Variants in PHLPP1 observed in about 807,000 individuals in gnomAD.
PHLPP1 encodes the protein PH domain leucine-rich repeat-containing protein phosphatase 1.
A neutral mutation model predicts 117.2 loss-of-function variants in PHLPP1; 42 were observed. The observed-to-expected ratio is 0.36, with a 90% CI of 0.28 to 0.46. The LOEUF (loss-of-function observed/expected upper bound fraction) is 0.46, where lower values mean the gene tolerates loss of function less well. Ranked by LOEUF, PHLPP1 falls within the 20% of genes least tolerant of loss-of-function variation. PHLPP1 has a pLI of 1.00. For synonymous variants in PHLPP1, 1,042 were observed against 970.7 expected (o/e 1.07, Z -1.37); for missense variants, 2,084 against 2,241.9 (o/e 0.93, Z 1.42).
chr18:62,750,523 T>C lies in PHLPP1; in HGVS notation c.1576+33264T>C, dbSNP rs374632921. Among the ~76,000 whole-genome samples, 32 of 152,338 alleles carry C rather than the reference T, an allele frequency of 2.1e-4. 1 individual carries two copies. The highest frequency in any genetic ancestry group is 5.0e-4 in the African/African-American group (21 of 41,588). On this transcript the variant is annotated intron_variant, in intron 1 of 16. Transcript: ENST00000262719. ...TACAGTCTTCAAAACCCCGCACTTA[T>C]ATTTTTATAGTTTTTTTCAAAAGCT...
intron 1 of PHLPP1, among the ~76,000 whole-genome samples, chr18:62,798,689 T>A (rs1278243693): frequency 6.6e-6 from 1 of 152,130 alleles, no homozygotes; most frequent in Non-Finnish European, 1.5e-5. Context: ...TTTTTATTGC[T>A]CATTTGCTTC....
chr18:62,865,459 A>G lies in PHLPP1; in HGVS notation c.2066+4858A>G, dbSNP rs1418244822. ...TTTCTGGAGCTACCCATCATGAACTATCATCAATCAGTGTGTTCTGAGGTT... is the reference window on the plus strand; with the variant it reads ...TTTCTGGAGCTACCCATCATGAACTGTCATCAATCAGTGTGTTCTGAGGTT... On this transcript the variant is annotated intron_variant, in intron 4 of 16. Coordinates refer to ENST00000262719, the MANE Select transcript of PHLPP1 (RefSeq NM_194449.4). Among the ~76,000 whole-genome samples the G allele has an allele frequency of 2.0e-5, 3 of 152,196 alleles. No homozygotes were observed. In the East Asian group the frequency reaches 5.8e-4, roughly 29 times the overall value.
intron 1 of PHLPP1, 48 bp downstream of exon 1, chr18:62,717,307 A>T (rs1438878225): frequency 6.6e-7 from 1 of 1,521,838 alleles, no homozygotes; most frequent in South Asian, 1.3e-5. Context: ...GCTGCCGAGG[A>T]CCGAGGAGTG....
intron 1 of PHLPP1, among the ~76,000 whole-genome samples, chr18:62,756,221 G>A (rs1189775639): frequency 1.3e-5 from 2 of 152,172 alleles, no homozygotes; most frequent in African/African-American, 4.8e-5. Context: ...AGGGAGCCAG[G>A]CTGATGGAGT....
In PHLPP1 at chr18:62,948,448, C is replaced by A. The variant is rs950494313; in HGVS notation, c.3324+3177C>A. Among the ~76,000 whole-genome samples the A allele has an allele frequency of 3.3e-5, 5 of 152,262 alleles. 1 individual carries two copies. The Middle Eastern group carries it at 0.01, about 311-fold the overall frequency. On this transcript the variant is annotated intron_variant, in intron 12 of 16. Transcript: ENST00000262719. ...GGATTCCTGGATTACAGAATCAGTA[C>A]CTTTGTTGCTATTGAATTCCTTCCC... is the stretch of plus-strand genomic sequence containing the variant.
intron 1 of PHLPP1, among the ~76,000 whole-genome samples, chr18:62,780,891 T>C (rs1011285821): frequency 4.6e-5 from 7 of 152,234 alleles, no homozygotes; most frequent in Non-Finnish European, 8.8e-5. Context: ...CCTCTCCAGC[T>C]TCTTGGTTAG....
At chr18:62,766,076 A>AATATATATATATATATATAT (rs60058262) in intron 1 of PHLPP1, among the ~76,000 whole-genome samples, 33 of 21,602 alleles carry the variant, frequency 1.5e-3, no homozygotes, top group East Asian at 3.3e-3. Context: ...AAAAAAAAAA[A>AATATATATATATATATATAT]ATATATATAT....
chr18:62,964,369 G>C (rs114748345), intron 14 of PHLPP1, among the ~76,000 whole-genome samples: 1,632 of 152,262 alleles, frequency 0.011, 31 homozygotes, highest in African/African-American at 0.037. Context: ...TATGGGTCTA[G>C]GCTTGAGAAC....
At chr18:62,945,300 G>C (rs752871364) in intron 12 of PHLPP1, 29 bp downstream of exon 12, 1 of 1,555,276 alleles carries the variant, frequency 6.4e-7, no homozygotes, top group African/African-American at 1.4e-5. Context: ...TAAACTCTAA[G>C]CTTCAGGTCG....
chr18:62,746,900 T>A (rs1325863499), intron 1 of PHLPP1, among the ~76,000 whole-genome samples: 1 of 152,194 alleles, frequency 6.6e-6, no homozygotes, highest in Non-Finnish European at 1.5e-5. Context: ...GCCTTTAAAC[T>A]ACAAATTCAA....
intron 1 of PHLPP1, among the ~76,000 whole-genome samples, chr18:62,788,511 T>C (rs1017103079): frequency 1.3e-5 from 2 of 152,240 alleles, no homozygotes; most frequent in African/African-American, 2.4e-5. Flanking sequence ...CAGAGCACCA[T>C]TTTATGTAAT....
chr18:62,781,670 T>C (rs554837255), intron 1 of PHLPP1, among the ~76,000 whole-genome samples: 37 of 152,304 alleles, frequency 2.4e-4, no homozygotes, highest in African/African-American at 7.0e-4. Context: ...ATTTTTTTTT[T>C]CCACCAAATT....
At chr18:62,963,725 A>G (rs538875438) in intron 14 of PHLPP1, among the ~76,000 whole-genome samples, 9 of 152,358 alleles carry the variant, frequency 5.9e-5, no homozygotes, top group African/African-American at 1.7e-4. Flanking sequence ...CATTATATCT[A>G]TGTAAGACTC....
At chr18:62,732,834 G>A (rs961731048) in intron 1 of PHLPP1, among the ~76,000 whole-genome samples, 1 of 152,194 alleles carries the variant, frequency 6.6e-6, no homozygotes, top group African/African-American at 2.4e-5. Context: ...AGACTTCCAT[G>A]GAGGAAGTAA....
At chr18:62,941,541 ATAGT>A (rs374329252) in intron 10 of PHLPP1, among the ~76,000 whole-genome samples, 173 bp from the exon 11 acceptor site, 242 of 152,320 alleles carry the variant, frequency 1.6e-3, no homozygotes, top group Middle Eastern at 3.4e-3. Flanking sequence ...TGTGGTCATG[ATAGT>A]TAGTGAATCA....
chr18:62,865,298 C>A (rs914978348), intron 4 of PHLPP1, among the ~76,000 whole-genome samples: 1 of 152,110 alleles, frequency 6.6e-6, no homozygotes, highest in African/African-American at 2.4e-5. Flanking sequence ...TGCACTCCAG[C>A]CTAGGCAACA....
chr18:62,921,824 A>G (rs1273097213), intron 10 of PHLPP1, among the ~76,000 whole-genome samples: 1 of 152,208 alleles, frequency 6.6e-6, no homozygotes, highest in Admixed American at 6.5e-5. Context: ...ATGAATTTTT[A>G]CATATTTATG....
intron 1 of PHLPP1, among the ~76,000 whole-genome samples, chr18:62,754,484 T>TA (rs1439101745): frequency 1.3e-5 from 2 of 152,240 alleles, no homozygotes; most frequent in Non-Finnish European, 2.9e-5. Context: ...GGCTTTCCGT[T>TA]AAGAGGAACA....
chr18:62,975,455 C>G lies in PHLPP1; in HGVS notation c.3814C>G (p.His1272Asp), dbSNP rs1025895470. ...TGCCGCTGTCCTTTGTCATATCAAG[C>G]ATGACCCTGTGGATCCAGGAGGATC... ...GGAAVLCHIK[H>D]DPVDPGGSFT... Residue 1272 changes from histidine to aspartate, a missense_variant, in exon 16 of 17, where the codon CAT becomes GAT. By Grantham distance (81) the His-to-Asp change is moderately conservative. Around this residue, in one of 2 missense-constraint regions of PHLPP1, gnomAD observed 1,365 missense variants for 1,605.9 expected, o/e 0.85. Coordinates refer to ENST00000262719, the MANE Select transcript of PHLPP1 (RefSeq NM_194449.4). 2.5e-6 allele frequency: 4 copies of G among 1,613,808 alleles called. No homozygotes were observed. The African/African-American group carries it at 4.0e-5, about 16-fold the overall frequency.
Sources: gnomAD v4.1 joint callset for allele counts (sites outside exome capture counted in the v4.1 genomes callset) on GRCh38, gnomAD v4.1.1 for gene constraint, gnomAD v4.1.1 regional missense constraint, MANE v1.5 for transcripts, NCBI Gene and HGNC (gene_info 2026-07-23, HGNC 2026-07-21) for gene names.